The following ADAMTSL3 variants were observed in gnomAD, a reference collection of about 807,000 sequenced individuals.
The protein encoded by ADAMTSL3 is ADAMTS like 3.
In ADAMTSL3, 128 loss-of-function variants were observed where a neutral mutation model predicts 201.7. The observed-to-expected ratio is 0.63, with a 90% CI of 0.55 to 0.73. The LOEUF (loss-of-function observed/expected upper bound fraction) is 0.73, where lower values mean the gene tolerates loss of function less well. Ranked by LOEUF, ADAMTSL3 falls within the 30% of genes least tolerant of loss-of-function variation. ADAMTSL3 has a pLI of 0.00. For synonymous variants in ADAMTSL3, 738 were observed against 748.4 expected (o/e 0.99, Z 0.23); for missense variants, 1,990 against 2,119.6 (o/e 0.94, Z 1.20).
At chr15:84,004,824 G>A (rs1381409990) in intron 23 of ADAMTSL3, among the ~76,000 whole-genome samples, 1 of 152,208 alleles carries the variant, frequency 6.6e-6, no homozygotes, top group Admixed American at 6.5e-5. Context: ...GTGGTGAAAG[G>A]GAATAGCAAA....
Position 83,983,259 on chromosome 15 carries a change from A to G in ADAMTSL3, c.3631A>G (p.Ile1211Val). 1 of 1,612,758 alleles carries G rather than the reference A, an allele frequency of 6.2e-7. No individual in the cohort carries two copies. The highest frequency in any genetic ancestry group is 1.1e-5 in the South Asian group (1 of 90,714). ...ATACATTACAAAAAGGACAGAGGTCATCAATATACTGTGTGACCTTATTAC... is the reference window on the plus strand; with the variant it reads ...ATACATTACAAAAAGGACAGAGGTCGTCAATATACTGTGTGACCTTATTAC... The part of the protein sequence containing the change: ...TVYITKRTEV[I>V]NILCDLITPS... Residue 1211 changes from isoleucine (I) to valine (V), a missense_variant, in exon 21 of 30, where the codon ATC (isoleucine) becomes GTC (valine). By Grantham distance (29) the Ile-to-Val change is conservative. Coordinates refer to ENST00000286744, the MANE Select transcript of ADAMTSL3 (RefSeq NM_207517.3).
chr15:83,972,239 C>T (rs2067210723), intron 20 of ADAMTSL3, among the ~76,000 whole-genome samples: 1 of 152,112 alleles, frequency 6.6e-6, no homozygotes, highest in African/African-American at 2.4e-5. Flanking sequence ...TTTTTAGCTG[C>T]CTCTCTATGC....
In ADAMTSL3 at chr15:83,805,913, T is replaced by C. The variant is rs569957529; in HGVS notation, c.363+1218T>C. Reference sequence around the variant, plus strand: ...AGCCCCTATTACCACTGCAGACACATGTAGTCCTTGCTACAGGAGAACGCG... The same window carrying C: ...AGCCCCTATTACCACTGCAGACACACGTAGTCCTTGCTACAGGAGAACGCG... On this transcript the variant is annotated intron_variant, in intron 5 of 29. Transcript: ENST00000286744. Among the ~76,000 whole-genome samples the C allele has an allele frequency of 5.3e-5, 8 of 152,306 alleles. No homozygotes were observed. The South Asian group carries it at 1.7e-3, about 32-fold the overall frequency.
intron 2 of ADAMTSL3, among the ~76,000 whole-genome samples, chr15:83,672,571 C>T (rs1793246799): frequency 6.6e-6 from 1 of 152,146 alleles, no homozygotes; most frequent in Non-Finnish European, 1.5e-5. Flanking sequence ...AGGAAAGTTG[C>T]CCATTTGTTG....
intron 24 of ADAMTSL3, among the ~76,000 whole-genome samples, chr15:84,015,687 G>T (rs559046535): frequency 6.6e-6 from 1 of 152,292 alleles, no homozygotes; most frequent in Admixed American, 6.5e-5. Context: ...GCCTCTGTGT[G>T]ATCTTCCAAA....
At chr15:83,906,043 C>CTA (rs1178858395) in intron 15 of ADAMTSL3, among the ~76,000 whole-genome samples, 4 of 152,178 alleles carry the variant, frequency 2.6e-5, no homozygotes, top group African/African-American at 9.6e-5. Context: ...GCCCCTAGCA[C>CTA]TATCTGTTGA....
At chr15:83,841,218 A>T (rs1397877947) in intron 7 of ADAMTSL3, among the ~76,000 whole-genome samples, 1 of 152,230 alleles carries the variant, frequency 6.6e-6, no homozygotes, top group Non-Finnish European at 1.5e-5. Context: ...AGTTCTCTTC[A>T]GACTTATCAT....
rs2064197572 is a variant in ADAMTSL3 at position 83,833,443 on chromosome 15, C to T, written c.601-4646C>T. Among the ~76,000 whole-genome samples, 7 of 151,992 alleles carry T rather than the reference C, an allele frequency of 4.6e-5. No individual in the cohort carries two copies. The South Asian group carries it at 1.5e-3, about 32-fold the overall frequency. ...TTCATGAGGTCTCTACCCTCATGAC[C>T]TAACCACCCCCTAAATGTTTCACCT... On this transcript the variant is annotated intron_variant, in intron 6 of 29. Coordinates refer to ENST00000286744, the MANE Select transcript of ADAMTSL3 (RefSeq NM_207517.3).
chr15:83,736,327 A>G (rs867341152), intron 3 of ADAMTSL3, among the ~76,000 whole-genome samples: 2 of 152,224 alleles, frequency 1.3e-5, no homozygotes, highest in Admixed American at 6.5e-5. Flanking sequence ...TTAAGACAAG[A>G]CACGGACTTT....
chr15:83,929,761 G>GAC, intron 17 of ADAMTSL3, among the ~76,000 whole-genome samples: 1 of 150,324 alleles, frequency 6.7e-6, no homozygotes, highest in African/African-American at 2.4e-5. Flanking sequence ...GAGAGACAGA[G>GAC]AGAGACAGAG....
intron 2 of ADAMTSL3, among the ~76,000 whole-genome samples, chr15:83,683,331 A>C (rs1234673077): frequency 6.6e-6 from 1 of 152,184 alleles, no homozygotes. Flanking sequence ...CCCTCCTCTC[A>C]GTCCTTCCTC....
At chr15:83,837,013 G>C (rs1339561303) in intron 6 of ADAMTSL3, among the ~76,000 whole-genome samples, 1 of 151,952 alleles carries the variant, frequency 6.6e-6, no homozygotes, top group Non-Finnish European at 1.5e-5. Context: ...AAATAAAAAA[G>C]AAATATAAGA....
At chr15:83,687,390 T>A (rs1049219588) in intron 2 of ADAMTSL3, among the ~76,000 whole-genome samples, 3 of 152,196 alleles carry the variant, frequency 2.0e-5, no homozygotes, top group Non-Finnish European at 4.4e-5. Context: ...TTATTTTACA[T>A]TTTCAGCCCA....
intron 2 of ADAMTSL3, among the ~76,000 whole-genome samples, chr15:83,664,795 C>G (rs2061226144): frequency 6.6e-6 from 1 of 152,176 alleles, no homozygotes; most frequent in Non-Finnish European, 1.5e-5. Context: ...GGTTGGAAAA[C>G]ATAGCAAGAC....
In ADAMTSL3 at chr15:83,870,746, T is replaced by A; in HGVS notation, c.803-56T>A. 2.8e-6 allele frequency: 4 copies of A among 1,416,222 alleles called. No individual in the cohort carries two copies. In the South Asian group the frequency reaches 5.5e-5, roughly 20 times the overall value. 87.7% of individuals were successfully genotyped at this position (1,416,222 alleles called of 1,614,324 possible). A position where few individuals can be genotyped will look rare whatever the true frequency, so the allele number is the denominator to read the frequency against. On this transcript the variant is annotated intron_variant, in intron 8 of 29. Transcript: ENST00000286744. ...ACATTGTATTTGCTAAAATGTCTTTTGTAATAAAATACCTTTAAGATTGTT... is the reference window on the plus strand; with the variant it reads ...ACATTGTATTTGCTAAAATGTCTTTAGTAATAAAATACCTTTAAGATTGTT...
chr15:83,724,382 G>A (rs893987525), intron 3 of ADAMTSL3, among the ~76,000 whole-genome samples: 2 of 152,140 alleles, frequency 1.3e-5, no homozygotes, highest in East Asian at 3.9e-4. Flanking sequence ...ACAGGTGTGA[G>A]CCACCGCACC....
chr15:83,970,494 G>T lies in ADAMTSL3; in HGVS notation c.2501G>T (p.Ser834Ile). 6.2e-7 allele frequency: 1 copy of T among 1,614,174 alleles called. No homozygotes were observed. The highest frequency in any genetic ancestry group is 1.1e-5 in the South Asian group (1 of 91,086). The change falls in exon 20 of 30, where the codon AGT becomes ATT. Residue 834 changes from serine (S) to isoleucine (I), a missense_variant. Coordinates refer to ENST00000286744, the MANE Select transcript of ADAMTSL3 (RefSeq NM_207517.3). ...CAACTCTCATTTCAGTGTTCTGTCA[G>T]TTGTGGTGTTGGAATCCAGAGAAGA... ...AVGDWSKCSV[S>I]CGVGIQRRKQ...
intron 19 of ADAMTSL3, among the ~76,000 whole-genome samples, chr15:83,952,084 G>C (rs551431312): frequency 6.6e-6 from 1 of 151,948 alleles, no homozygotes; most frequent in Non-Finnish European, 1.5e-5. Flanking sequence ...TTTGATGTAG[G>C]CATTTATAGC....
At chr15:83,753,530 T>G (rs1457348625) in intron 3 of ADAMTSL3, among the ~76,000 whole-genome samples, 1 of 152,212 alleles carries the variant, frequency 6.6e-6, no homozygotes, top group Non-Finnish European at 1.5e-5. Flanking sequence ...GGTAATATTC[T>G]TGATGAGTCG....
Sources: allele counts gnomAD v4.1 joint callset (sites outside exome capture counted in the v4.1 genomes callset), GRCh38; gene constraint gnomAD v4.1.1; transcripts MANE v1.5; gene names NCBI Gene and HGNC (gene_info 2026-07-23, HGNC 2026-07-21).